The following GPT variants were observed in gnomAD, a reference collection of about 807,000 sequenced individuals.
GPT encodes the protein alanine aminotransferase 1.
Under a neutral mutation model 51.4 loss-of-function variants are expected in GPT, and 60 were observed. The ratio of observed to expected loss-of-function variants is 1.17; its 90% CI spans 0.95 to 1.45. The LOEUF (loss-of-function observed/expected upper bound fraction) is 1.45. GPT is among the 40% of genes most tolerant of loss of function. The pLI, the probability that GPT is intolerant of heterozygous loss-of-function variation, is 0.00. For synonymous variants in GPT, 397 were observed against 303.1 expected (o/e 1.31, Z -3.22); for missense variants, 853 against 704.0 (o/e 1.21, Z -2.40).
At chr8:144,504,009 C>A, upstream of GPT, 1 of 506,572 alleles carries the variant, frequency 2.0e-6, no homozygotes, top group South Asian at 2.0e-5. Flanking sequence ...ACTAGGCAGG[C>A]ACTGGGCCTT....
Position 144,504,153 on chromosome 8 carries a change from G to A in GPT, c.-152G>A, listed in dbSNP as rs1421316257. 11 of 788,364 alleles carry A rather than the reference G, an allele frequency of 1.4e-5. No homozygotes were observed. The highest frequency in any genetic ancestry group is 5.1e-5 in the African/African-American group (3 of 59,186). 48.8% of individuals were successfully genotyped at this position (788,364 alleles called of 1,614,324 possible). On this transcript the variant is annotated 5_prime_UTR_variant, in exon 1 of 11. Transcript: ENST00000394955. Reference sequence around the variant, plus strand: ...TCTGTCCCTCCCAGTGAGGCCAGCTGCGGTGAAGAGGGTGCTCTCTTGCCT... The same window carrying A: ...TCTGTCCCTCCCAGTGAGGCCAGCTACGGTGAAGAGGGTGCTCTCTTGCCT...
rs755951924 is a variant in GPT, at chr8:144,504,837, A to C, written c.319A>C (p.Arg107=). Residue 107 remains arginine, a synonymous_variant, in exon 3 of 11, where the codon AGG becomes CGG. Transcript: ENST00000394955. ...CAACTTCCCTGACGATGCCAAGAAA[A>C]GGGCGGAGCGCATCTTGCAGGCGTG... The part of the protein sequence containing the change: ...SPNFPDDAKK[R]AERILQACGG... The C allele has an allele frequency of 6.2e-6, 10 of 1,613,442 alleles. No individual in the cohort carries two copies. The African/African-American group carries it at 8.0e-5, about 13-fold the overall frequency.
Position 144,504,826 on chromosome 8 carries a change from A to G in GPT, c.308A>G (p.Asp103Gly). Residue 103 changes from aspartate to glycine, a missense_variant, in exon 3 of 11, where the codon GAT (aspartate) becomes GGT (glycine). Physicochemically the swap from Asp to Gly is moderately conservative, Grantham distance 94 (BLOSUM62 -1). Transcript: ENST00000394955. ...DLLSSPNFPD[D>G]AKKRAERILQ... ...CTGAGCAGCCCCAACTTCCCTGACGATGCCAAGAAAAGGGCGGAGCGCATC... is the reference window on the plus strand; with the variant it reads ...CTGAGCAGCCCCAACTTCCCTGACGGTGCCAAGAAAAGGGCGGAGCGCATC... 1 of 1,613,564 alleles carries G rather than the reference A, an allele frequency of 6.2e-7. No homozygotes were observed.
chr8:144,503,576 A>G (rs1470741641), upstream of GPT, among the ~76,000 whole-genome samples: 1 of 151,602 alleles, frequency 6.6e-6, no homozygotes, highest in Non-Finnish European at 1.5e-5. Flanking sequence ...TCAGGGACCA[A>G]GGTCCAGCTA....
At position 144,505,369 on chromosome 8, in the gene GPT, T is replaced by A; in HGVS notation, c.619T>A (p.Tyr207Asn). ...AELGAVQVDY[Y>N]LDEERAWALD... ...GCTGGGCGCAGTGCAGGTGGATTAC[T>A]ACCTGGACGAGGAGCGTGCCTGGGC... The change falls in exon 5 of 11, where the codon TAC becomes AAC. Residue 207 changes from tyrosine to asparagine, a missense_variant. Transcript: ENST00000394955. 6.3e-7 allele frequency: 1 copy of A among 1,585,582 alleles called. No individual in the cohort carries two copies. The highest frequency in any genetic ancestry group is 8.6e-7 in the Non-Finnish European group (1 of 1,166,912).
In GPT at chr8:144,507,114, G is replaced by GGGGGGGGGGGGGGGGGGGGGCCC; in HGVS notation, c.*114_*115insGGGGGGGGGGGGGGGGGGGGCCC. The GGGGGGGGGGGGGGGGGGGGGCCC allele has an allele frequency of 2.0e-6, 1 of 498,332 alleles. No homozygotes were observed. 30.9% of individuals were successfully genotyped at this position (498,332 alleles called of 1,614,324 possible). A position where few individuals can be genotyped will look rare whatever the true frequency, so the allele number is the denominator to read the frequency against. On this transcript the variant is annotated 3_prime_UTR_variant, in exon 11 of 11. Coordinates refer to ENST00000394955, the MANE Select transcript of GPT (RefSeq NM_005309.3). Reference sequence around the variant, plus strand: ...TGCCTGGCGGGGTGGGGTGGGGGGGGTGCTGGGCCCCTGCCTCTCTGCAGG... The same window carrying GGGGGGGGGGGGGGGGGGGGGCCC: ...TGCCTGGCGGGGTGGGGTGGGGGGGGGGGGGGGGGGGGGGGGGGGGCCCTGCTGGGCCCCTGCCTCTCTGCAGG...
In GPT at chr8:144,504,461, C is replaced by G. The variant is rs562794201; in HGVS notation, c.157C>G (p.Arg53Gly). The change falls in exon 1 of 11, where the codon CGC becomes GGC. Residue 53 changes from arginine (R) to glycine (G), a missense_variant. Arg to Gly is a moderately radical substitution (Grantham distance 125, BLOSUM62 -2). Transcript: ENST00000394955. ...AGCCTTGGAGCTGGAGCAGGAGCTG[C>G]GCCAGGTATGGCCCAGGGCCCCTCG... is the stretch of plus-strand genomic sequence containing the variant. ...QRALELEQEL[R>G]QGVKKPFTEV... 1 of 1,609,490 alleles carries G rather than the reference C, an allele frequency of 6.2e-7. No individual in the cohort carries two copies. Among genetic ancestry groups the G allele is most frequent in the Non-Finnish European group, 8.5e-7 (1 of 1,179,554 alleles).
At position 144,506,160 on chromosome 8, in the gene GPT, C is replaced by T. The variant is rs1229970682; in HGVS notation, c.956+29C>T. On this transcript the variant is annotated intron_variant, in intron 7 of 10. Transcript: ENST00000394955. This position sits in a 1 kb window ranked among gnomAD's most constrained non-coding sequence, Gnocchi z 7.0. ...CGTGCGTACGAGGCGGGTGGGGGCTCGCGGGCCATGGCCAGGCCCTCCTCG... is the reference window on the plus strand; with the variant it reads ...CGTGCGTACGAGGCGGGTGGGGGCTTGCGGGCCATGGCCAGGCCCTCCTCG... The T allele has an allele frequency of 1.2e-6, 2 of 1,605,106 alleles. No individual in the cohort carries two copies. Among genetic ancestry groups the T allele is most frequent in the African/African-American group, 1.3e-5 (1 of 74,768 alleles).
rs200088103 is a variant in GPT at position 144,505,033 on chromosome 8, C to A, written c.397C>A (p.Arg133=). 1.2e-6 allele frequency: 2 copies of A among 1,613,108 alleles called. No homozygotes were observed. Among genetic ancestry groups the A allele is most frequent in the East Asian group, 2.2e-5 (1 of 44,892 alleles). ...CGTCAGCTCCGGCATCCAGCTGATC[C>A]GGGAGGACGTGGCGCGGTACATTGA... is the stretch of plus-strand genomic sequence containing the variant. ...YSVSSGIQLI[R]EDVARYIERR... is the part of the protein sequence containing the mutation. Residue 133 remains arginine (R), a synonymous_variant, in exon 4 of 11, where the codon CGG becomes AGG. Coordinates refer to ENST00000394955, the MANE Select transcript of GPT (RefSeq NM_005309.3).
chr8:144,506,443 T>G lies in GPT; in HGVS notation c.1131+37T>G. ...GCAGGAGGGGGTCCAGGTGACCTAA[T>G]CAGGGGTGGGGGATGCCGAGTGCCG... On this transcript the variant is annotated intron_variant, in intron 8 of 10. Transcript: ENST00000394955. The surrounding 1 kb of genome is among the most constrained non-coding windows in gnomAD (Gnocchi z 7.0). 6.4e-7 allele frequency: 1 copy of G among 1,568,246 alleles called. No homozygotes were observed. The highest frequency in any genetic ancestry group is 1.2e-5 in the South Asian group (1 of 85,816).
At chr8:144,504,926 A>T in intron 3 of GPT, 47 bp downstream of exon 3, 1 of 1,612,822 alleles carries the variant, frequency 6.2e-7, no homozygotes, top group East Asian at 2.2e-5. Context: ...CTGCCACTGG[A>T]GGAGGGAAGT....
chr8:144,504,015 G>A, upstream of GPT: 1 of 516,800 alleles, frequency 1.9e-6, no homozygotes, highest in East Asian at 3.5e-5. Context: ...CAGGCACTGG[G>A]CCTTGCCCCA....
In GPT at chr8:144,506,745, C is replaced by A; in HGVS notation, c.1302C>A (p.Ala434=). ...AVERAQELGL[A]PDMFFCLRLL... Reference sequence around the variant, plus strand: ...TCCGTCCACAGGAGCTGGGCCTGGCCCCCGATATGTTCTTCTGCCTGCGCC... The same window carrying A: ...TCCGTCCACAGGAGCTGGGCCTGGCACCCGATATGTTCTTCTGCCTGCGCC... Residue 434 remains alanine (A), a synonymous_variant, in exon 10 of 11, where the codon GCC becomes GCA. Coordinates refer to ENST00000394955, the MANE Select transcript of GPT (RefSeq NM_005309.3). This position sits in a 1 kb window ranked among gnomAD's most constrained non-coding sequence, Gnocchi z 7.0. The A allele has an allele frequency of 1.2e-6, 2 of 1,611,698 alleles. No individual in the cohort carries two copies. The highest frequency in any genetic ancestry group is 1.7e-4 in the Middle Eastern group (1 of 5,932).
Position 144,507,024 on chromosome 8 carries a change from G to A in GPT, c.*24G>A. On this transcript the variant is annotated 3_prime_UTR_variant, in exon 11 of 11. Coordinates refer to ENST00000394955, the MANE Select transcript of GPT (RefSeq NM_005309.3). The stretch of plus-strand genomic sequence containing the variant: ...GAGCACCCCAGCTGGGGCCAGGCTG[G>A]GTCGCCCTGGACTGTGTGCTCAGGA... 6.4e-7 allele frequency: 1 copy of A among 1,570,578 alleles called. No individual in the cohort carries two copies. Among genetic ancestry groups the A allele is most frequent in the Non-Finnish European group, 8.8e-7 (1 of 1,142,018 alleles).
rs747826842 is a variant in GPT, at chr8:144,504,681, C to G, written c.240C>G (p.Thr80=). The change falls in exon 2 of 11, where the codon ACC becomes ACG. Residue 80 remains threonine (T), a synonymous_variant. Transcript: ENST00000394955. ...DAQAMGQRPI[T]FLRQVLALCV... ...AGGCTATGGGGCAGAGGCCCATCACCTTCCTGCGCCAGGTGAGGCTCCTGC... is the reference window on the plus strand; with the variant it reads ...AGGCTATGGGGCAGAGGCCCATCACGTTCCTGCGCCAGGTGAGGCTCCTGC... The G allele has an allele frequency of 1.2e-6, 2 of 1,613,222 alleles. No homozygotes were observed. Among genetic ancestry groups the G allele is most frequent in the East Asian group, 2.2e-5 (1 of 44,898 alleles).
chr8:144,504,882 G>A lies in GPT; in HGVS notation c.361+3G>A, dbSNP rs768257668. ...GGCGTGTGGGGGCCACAGTCTGGGT[G>A]AGAGCCAGGGCCAGGAGGAAGCAGA... On this transcript the variant is annotated splice_donor_region_variant and intron_variant, in intron 3 of 10. Transcript: ENST00000394955. 10 of 1,613,096 alleles carry A rather than the reference G, an allele frequency of 6.2e-6. No individual in the cohort carries two copies. Among genetic ancestry groups the A allele is most frequent in the Non-Finnish European group, 8.5e-6 (10 of 1,179,976 alleles).
At position 144,506,368 on chromosome 8, in the gene GPT, C is replaced by T; in HGVS notation, c.1093C>T (p.Pro365Ser). Residue 365 changes from proline (P) to serine (S), a missense_variant, in exon 8 of 11, where the codon CCC becomes TCC. Physicochemically the swap from Pro to Ser is moderately conservative, Grantham distance 74. Coordinates refer to ENST00000394955, the MANE Select transcript of GPT (RefSeq NM_005309.3). This position sits in a 1 kb window ranked among gnomAD's most constrained non-coding sequence, Gnocchi z 7.0. ...CCTGCTGGACCTGGTGGTCAGCCCG[C>T]CCGCGCCCACCGACCCCTCCTTTGC... ...QALLDLVVSP[P>S]APTDPSFAQF... 1 of 1,561,512 alleles carries T rather than the reference C, an allele frequency of 6.4e-7. No individual in the cohort carries two copies.
Position 144,505,938 on chromosome 8 carries a change from C to T in GPT, c.819+11C>T, listed in dbSNP as rs541457382. On this transcript the variant is annotated intron_variant, in intron 6 of 10. Coordinates refer to ENST00000394955, the MANE Select transcript of GPT (RefSeq NM_005309.3). ...CTGCTGGCGGACGAGGTGCGCGGCGCGGGGGAGCGGGAAGCCGGGCAACAG... is the reference window on the plus strand; with the variant it reads ...CTGCTGGCGGACGAGGTGCGCGGCGTGGGGGAGCGGGAAGCCGGGCAACAG... 1.2e-6 allele frequency: 2 copies of T among 1,610,956 alleles called. No individual in the cohort carries two copies. Among genetic ancestry groups the T allele is most frequent in the African/African-American group, 1.3e-5 (1 of 74,994 alleles).
At position 144,506,916 on chromosome 8, in the gene GPT, C is replaced by T; in HGVS notation, c.1407C>T (p.Thr469=). 3.1e-6 allele frequency: 5 copies of T among 1,612,896 alleles called. No homozygotes were observed. Among genetic ancestry groups the T allele is most frequent in the Non-Finnish European group, 4.2e-6 (5 of 1,179,874 alleles). The part of the protein sequence containing the change: ...QREGTYHFRM[T]ILPPLEKLRL... ...CACTGTCAACTCCTTTCAGGATGAC[C>T]ATTCTGCCCCCCTTGGAGAAACTGC... is the stretch of plus-strand genomic sequence containing the variant. Residue 469 remains threonine, a synonymous_variant, in exon 11 of 11, where the codon ACC becomes ACT. Coordinates refer to ENST00000394955, the MANE Select transcript of GPT (RefSeq NM_005309.3). This position sits in a 1 kb window ranked among gnomAD's most constrained non-coding sequence, Gnocchi z 7.0.
Sources: gnomAD v4.1 joint callset for allele counts (sites outside exome capture counted in the v4.1 genomes callset) on GRCh38, gnomAD v4.1.1 for gene constraint, Gnocchi (gnomAD v3.1) non-coding constraint, MANE v1.5 for transcripts, NCBI Gene and HGNC (gene_info 2026-07-23, HGNC 2026-07-21) for gene names.